ANKFY1: variants seen among roughly 807,000 people sequenced by gnomAD.
ANKFY1 encodes the protein ankyrin repeat and FYVE domain containing 1, also known as ankyrin repeat and FYVE domain-containing protein 1.
ANKFY1 carries 47 observed loss-of-function variants against 128.3 expected under a neutral mutation model. The observed-to-expected ratio is 0.37, with a 90% CI of 0.29 to 0.47. The LOEUF (loss-of-function observed/expected upper bound fraction) is 0.47. Among genes scored for constraint, ANKFY1 ranks in the 20% least tolerant of loss-of-function variants. The probability of loss-of-function intolerance (pLI) is 1.00; values close to 1 mark genes in which losing one functional copy is unlikely to be tolerated. For missense variants in ANKFY1, 1,222 were observed against 1,510.6 expected (o/e 0.81, Z 3.17); for synonymous variants, 553 against 601.6 (o/e 0.92, Z 1.18).
chr17:4,185,181 T>C, intron 11 of ANKFY1, 135 bp from the exon 12 acceptor site: 1 of 769,446 alleles, frequency 1.3e-6, no homozygotes, highest in Non-Finnish European at 2.2e-6. Context: ...TCTGTTCTCT[T>C]TCTCCTGAGC....
At chr17:4,231,504 A>G (rs1397678274) in intron 3 of ANKFY1, among the ~76,000 whole-genome samples, 1 of 152,164 alleles carries the variant, frequency 6.6e-6, no homozygotes, top group East Asian at 1.9e-4. Flanking sequence ...CAAAAAAAGA[A>G]TCCTACAGAA....
At chr17:4,236,144 C>T (rs1329721051) in intron 2 of ANKFY1, among the ~76,000 whole-genome samples, 1 of 152,164 alleles carries the variant, frequency 6.6e-6, no homozygotes, top group African/African-American at 2.4e-5. Context: ...AATACATCTT[C>T]TCATGGGATT....
Position 4,195,178 on chromosome 17 carries a change from C to A in ANKFY1, c.1173-1G>T. The A allele has an allele frequency of 6.2e-7, 1 of 1,602,440 alleles. No homozygotes were observed. Among genetic ancestry groups the A allele is most frequent in the Non-Finnish European group, 8.5e-7 (1 of 1,171,890 alleles). ...GTGGTCTTTGAGTTCTAAATCTAGTCTGAAAAGCAGAAGCAGTGTCAACAG... is the reference window on the plus strand; with the variant it reads ...GTGGTCTTTGAGTTCTAAATCTAGTATGAAAAGCAGAAGCAGTGTCAACAG... On this transcript the variant is annotated splice_acceptor_variant, in intron 9 of 24. Transcript: ENST00000341657. LOFTEE classifies it high-confidence loss of function.
In ANKFY1 at chr17:4,220,113, C is replaced by A. The variant is rs1045354430; in HGVS notation, c.323-2995G>T. ...GTGCTGGGATTACAGGCGTGAGCCACCCTGCCCGGCCAGTAGTAGCACTTT... is the reference window on the plus strand; with the variant it reads ...GTGCTGGGATTACAGGCGTGAGCCAACCTGCCCGGCCAGTAGTAGCACTTT... On this transcript the variant is annotated intron_variant, in intron 3 of 24. Transcript: ENST00000341657. Among the ~76,000 whole-genome samples, 5 of 152,174 alleles carry A rather than the reference C, an allele frequency of 3.3e-5. No individual in the cohort carries two copies. The South Asian group carries it at 1.0e-3, about 31-fold the overall frequency.
chr17:4,191,366 C>G (rs919264099), intron 10 of ANKFY1: 1 of 151,748 alleles, frequency 6.6e-6, no homozygotes, highest in Non-Finnish European at 1.5e-5. Context: ...TTGCTCTCAT[C>G]TGGAGACTCC....
intron 20 of ANKFY1, 72 bp from the exon 21 acceptor site, chr17:4,173,516 C>T: frequency 7.1e-7 from 1 of 1,401,236 alleles, no homozygotes; most frequent in Non-Finnish European, 1.0e-6. Flanking sequence ...TCCTCACCCT[C>T]ACAGACCTCT....
chr17:4,216,759 G>GT (rs2060226416), intron 4 of ANKFY1: 2 of 576,806 alleles, frequency 3.5e-6, no homozygotes, highest in South Asian at 4.0e-5. Context: ...GTAATTTCAG[G>GT]TAACAGACCA....
intron 12 of ANKFY1, 83 bp downstream of exon 12, chr17:4,184,735 A>G: frequency 1.4e-6 from 2 of 1,468,360 alleles, no homozygotes; most frequent in Non-Finnish European, 1.9e-6. Flanking sequence ...ACTCACCAAC[A>G]GAAAAAACAT....
chr17:4,171,260 A>G (rs1165620263), intron 22 of ANKFY1, among the ~76,000 whole-genome samples: 1 of 152,184 alleles, frequency 6.6e-6, no homozygotes, highest in Non-Finnish European at 1.5e-5. Flanking sequence ...TTTTCACCCA[A>G]TGTAACTAAA....
intron 2 of ANKFY1, among the ~76,000 whole-genome samples, chr17:4,237,848 A>C: frequency 6.6e-6 from 1 of 152,330 alleles, no homozygotes; most frequent in Non-Finnish European, 1.5e-5. Context: ...ATTAAAGAGT[A>C]TTTCCTTTTA....
intron 15 of ANKFY1, 107 bp downstream of exon 15, chr17:4,182,074 G>T (rs1461098907): frequency 2.8e-5 from 32 of 1,152,856 alleles, no homozygotes; most frequent in Non-Finnish European, 3.6e-5. Context: ...GTCCCACTAT[G>T]TTACTTGACA....
intron 7 of ANKFY1, among the ~76,000 whole-genome samples, chr17:4,205,482 C>T (rs192883646): frequency 6.6e-6 from 1 of 152,276 alleles, no homozygotes; most frequent in African/African-American, 2.4e-5. Context: ...GTGGCTCACG[C>T]CTCTAATCCC....
At chr17:4,171,506 C>T (rs1324770225) in intron 22 of ANKFY1, among the ~76,000 whole-genome samples, 1 of 152,162 alleles carries the variant, frequency 6.6e-6, no homozygotes, top group East Asian at 1.9e-4. Context: ...GGTTATTCTT[C>T]CCACTATCAA....
intron 3 of ANKFY1, among the ~76,000 whole-genome samples, chr17:4,220,312 G>A (rs1598098458): frequency 1.3e-5 from 2 of 152,060 alleles, no homozygotes; most frequent in African/African-American, 4.8e-5. Context: ...AGTAGTCATC[G>A]TAATGAACAA....
chr17:4,254,698 G>A (rs978385882), intron 1 of ANKFY1, among the ~76,000 whole-genome samples: 3 of 152,188 alleles, frequency 2.0e-5, no homozygotes, highest in Non-Finnish European at 4.4e-5. Context: ...TATAGTAAAA[G>A]ATTTTAATGC....
chr17:4,179,290 C>G, intron 17 of ANKFY1: 1 of 583,392 alleles, frequency 1.7e-6, no homozygotes, highest in Non-Finnish European at 3.0e-6. Flanking sequence ...ACATGTGTTT[C>G]ACATCTGCAG....
Position 4,177,307 on chromosome 17 carries a change from A to C in ANKFY1, c.2599-5T>G. 3 of 1,583,360 alleles carry C rather than the reference A, an allele frequency of 1.9e-6. No individual in the cohort carries two copies. Among genetic ancestry groups the C allele is most frequent in the Non-Finnish European group, 2.6e-6 (3 of 1,164,016 alleles). On this transcript the variant is annotated splice_polypyrimidine_tract_variant and splice_region_variant and intron_variant, in intron 18 of 24. Transcript: ENST00000341657. ...ATTCCGGCCCTTGTTATCCACCTAC[A>C]GCAACAAGTGCAAAGCAAAATATTA...
intron 1 of ANKFY1, among the ~76,000 whole-genome samples, chr17:4,246,392 TCTCTACGAGA>T (rs1271954154): frequency 6.6e-6 from 1 of 152,166 alleles, no homozygotes; most frequent in Non-Finnish European, 1.5e-5. Flanking sequence ...ACAGTATATT[TCTCTACGAGA>T]AATACAAATA....
In ANKFY1 at chr17:4,208,705, A is replaced by C. The variant is rs2060070389; in HGVS notation, c.583-623T>G. On this transcript the variant is annotated intron_variant, in intron 5 of 24. Transcript: ENST00000341657. ...AATACCAAACAATTCGCAGAAACTA[A>C]TTTGCAAAAGGTAGCACCAGCCCTA... Among the ~76,000 whole-genome samples, 3 of 152,282 alleles carry C rather than the reference A, an allele frequency of 2.0e-5. No individual in the cohort carries two copies. The South Asian group carries it at 6.2e-4, about 32-fold the overall frequency.
Sources: gnomAD v4.1 joint callset for allele counts (sites outside exome capture counted in the v4.1 genomes callset) on GRCh38, gnomAD v4.1.1 for gene constraint, MANE v1.5 for transcripts, NCBI Gene and HGNC (gene_info 2026-07-23, HGNC 2026-07-21) for gene names.